TBL1X: variants seen among roughly 807,000 people sequenced by gnomAD.
TBL1X encodes the protein F-box-like/WD repeat-containing protein TBL1X.
TBL1X carries 10 observed loss-of-function variants against 50.7 expected under a neutral mutation model. That is an observed-to-expected ratio of 0.20 (90% confidence interval 0.12 to 0.33). TBL1X has a LOEUF of 0.33. TBL1X is among the 10% of genes least tolerant of loss of function. The pLI is 1.00. For synonymous variants in TBL1X, 190 were observed against 214.7 expected (o/e 0.88, Z 1.01); for missense variants, 340 against 504.4 (o/e 0.67, Z 3.12).
At chrX:9,693,083 C>T in intron 9 of TBL1X, 66 bp from the exon 10 acceptor site, 10 of 1,147,344 alleles carry the variant, frequency 8.7e-6, no homozygotes, top group Non-Finnish European at 1.1e-5. Flanking sequence ...AGAGGCTCTC[C>T]GAGCTGCTTC....
intron 1 of TBL1X, among the ~76,000 whole-genome samples, chrX:9,477,062 G>T (rs2081853506): frequency 8.9e-6 from 1 of 112,155 alleles, no homozygotes; most frequent in African/African-American, 3.2e-5. Context: ...TCCTGGACAT[G>T]GTTTTAGAAA....
At chrX:9,500,808 G>C (rs2081997379) in intron 1 of TBL1X, among the ~76,000 whole-genome samples, 1 of 111,919 alleles carries the variant, frequency 8.9e-6, no homozygotes, top group Non-Finnish European at 1.9e-5. Flanking sequence ...GGGGATTTCT[G>C]TGCATTGCTT....
chrX:9,707,290 C>T (rs1049092260), intron 13 of TBL1X, among the ~76,000 whole-genome samples: 2 of 111,831 alleles, frequency 1.8e-5, no homozygotes, highest in African/African-American at 6.5e-5. Context: ...AGCACAGGCA[C>T]CTATCGTCCT....
rs183412935 is a variant in TBL1X at position 9,550,306 on chromosome X, G to A, written c.-131+48457G>A. The stretch of plus-strand genomic sequence containing the variant: ...AAATAAGAGCTTTAGTGTAGCCTCC[G>A]TTTCCAGCAATCCATTTTATTCTTT... On this transcript the variant is annotated intron_variant, in intron 2 of 17. Transcript: ENST00000645353. Among the ~76,000 whole-genome samples, 574 of 111,942 alleles carry A rather than the reference G, an allele frequency of 5.1e-3. 17 individuals carry two copies. Among genetic ancestry groups the A allele is most frequent in the Admixed American group, 0.047 (499 of 10,576 alleles).
intron 11 of TBL1X, among the ~76,000 whole-genome samples, chrX:9,695,336 C>T (rs925890657): frequency 1.8e-5 from 2 of 112,417 alleles, no homozygotes; most frequent in African/African-American, 6.5e-5. Context: ...ATTGCTCTCC[C>T]TCTCTTTTAA....
At chrX:9,528,210 C>T (rs1183261287) in intron 2 of TBL1X, among the ~76,000 whole-genome samples, 1 of 111,887 alleles carries the variant, frequency 8.9e-6, no homozygotes, top group Non-Finnish European at 1.9e-5. Flanking sequence ...TTTGACTAGT[C>T]TGAGGTGCCT....
At chrX:9,590,304 C>T (rs1447309595) in intron 2 of TBL1X, among the ~76,000 whole-genome samples, 5 of 111,350 alleles carry the variant, frequency 4.5e-5, no homozygotes, top group African/African-American at 1.3e-4. Context: ...CAGTTATATG[C>T]AACTCTGTGC....
chrX:9,526,105 G>T (rs1328431545), intron 2 of TBL1X, among the ~76,000 whole-genome samples: 1 of 102,079 alleles, frequency 9.8e-6, no homozygotes, highest in Admixed American at 1.1e-4. Flanking sequence ...GTGCATGTGT[G>T]TATGTGTGTG....
intron 11 of TBL1X, 110 bp from the exon 12 acceptor site, chrX:9,697,259 A>G (rs2083137098): frequency 6.0e-6 from 6 of 997,809 alleles, no homozygotes; most frequent in Non-Finnish European, 8.3e-6. Context: ...TCTCTATTGG[A>G]CAGTGCCGGT....
intron 2 of TBL1X, among the ~76,000 whole-genome samples, chrX:9,604,710 G>T (rs2082574215): frequency 9.0e-6 from 1 of 110,838 alleles, no homozygotes. Flanking sequence ...TGTTGGCCGA[G>T]CGCCGCTGGC....
rs1000104315 is a variant in TBL1X, at chrX:9,465,311, G to A, written c.-337G>A. The A allele has an allele frequency of 9.3e-6, 1 of 107,880 alleles. No homozygotes were observed. Among genetic ancestry groups the A allele is most frequent in the African/African-American group, 3.3e-5 (1 of 30,311 alleles). 8.9% of individuals were successfully genotyped at this position (107,880 alleles called of 1,213,427 possible). A position where few individuals can be genotyped will look rare whatever the true frequency, so the allele number is the denominator to read the frequency against. On this transcript the variant is annotated 5_prime_UTR_variant, in exon 1 of 18. Transcript: ENST00000645353. ...GCGGCGGGGCGGGGGCGGCCCGGGG[G>A]CGGCGCGCGGCTGCTCCGGGGCGCC...
chrX:9,468,510 T>C (rs988036527), intron 1 of TBL1X, among the ~76,000 whole-genome samples: 1 of 111,385 alleles, frequency 9.0e-6, no homozygotes, highest in Non-Finnish European at 1.9e-5. Flanking sequence ...CAGAGTGTGG[T>C]CCTGCTGCGG....
chrX:9,521,930 A>G (rs2082108819), intron 2 of TBL1X, among the ~76,000 whole-genome samples: 1 of 111,379 alleles, frequency 9.0e-6, no homozygotes, highest in South Asian at 3.8e-4. Flanking sequence ...GCTATGAAGC[A>G]CCTGAAATGT....
At chrX:9,554,571 C>A (rs778846212) in intron 2 of TBL1X, among the ~76,000 whole-genome samples, 5 of 112,263 alleles carry the variant, frequency 4.5e-5, no homozygotes, top group African/African-American at 1.3e-4. Context: ...TACTTAAAAT[C>A]CTCGCAGATC....
At chrX:9,519,093 A>G (rs1478539692) in intron 2 of TBL1X, among the ~76,000 whole-genome samples, 1 of 111,604 alleles carries the variant, frequency 9.0e-6, no homozygotes, top group Non-Finnish European at 1.9e-5. Flanking sequence ...TAGGGAGATA[A>G]CACGTGAAGG....
At chrX:9,475,034 C>T (rs959455262) in intron 1 of TBL1X, among the ~76,000 whole-genome samples, 8 of 110,159 alleles carry the variant, frequency 7.3e-5, no homozygotes, top group East Asian at 2.9e-4. Context: ...CCACTGCACC[C>T]GGCTAATTTT....
intron 3 of TBL1X, among the ~76,000 whole-genome samples, chrX:9,641,968 T>A (rs1283655719): frequency 8.9e-6 from 1 of 112,374 alleles, no homozygotes; most frequent in African/African-American, 3.2e-5. Context: ...CTGTGGCATT[T>A]ACTTAGGAGT....
intron 5 of TBL1X, among the ~76,000 whole-genome samples, chrX:9,654,684 A>G (rs1290080451): frequency 6.3e-5 from 7 of 111,521 alleles, no homozygotes. Flanking sequence ...AGATTTATTC[A>G]GCTCCCCAGC....
chrX:9,495,017 G>C (rs2081964388), intron 1 of TBL1X, among the ~76,000 whole-genome samples: 1 of 111,393 alleles, frequency 9.0e-6, no homozygotes, highest in South Asian at 3.8e-4. Context: ...GAGGTGCTGA[G>C]TCATAGGAAT....
Sources: allele counts gnomAD v4.1 joint callset (sites outside exome capture counted in the v4.1 genomes callset), GRCh38; gene constraint gnomAD v4.1.1; transcripts MANE v1.5; gene names NCBI Gene and HGNC (gene_info 2026-07-23, HGNC 2026-07-21).